The following RUFY3 variants were observed in gnomAD, a reference collection of about 807,000 sequenced individuals.
RUFY3 encodes the protein protein RUFY3.
In RUFY3, 34 loss-of-function variants were observed where a neutral mutation model predicts 84.0. The ratio of observed to expected loss-of-function variants is 0.40; its 90% CI spans 0.31 to 0.54. The LOEUF is 0.54. RUFY3 is among the 20% of genes least tolerant of loss of function. The pLI, the probability that RUFY3 is intolerant of heterozygous loss-of-function variation, is 0.39. For missense variants in RUFY3, 507 were observed against 736.8 expected, an observed-to-expected ratio of 0.69 and a Z score of 3.61; for synonymous variants, 242 against 252.9, an observed-to-expected ratio of 0.96 and a Z score of 0.41.
chr4:70,714,643 T>C (rs182071545), intron 1 of RUFY3, among the ~76,000 whole-genome samples: 1 of 152,332 alleles, frequency 6.6e-6, no homozygotes, highest in East Asian at 1.9e-4. Context: ...CAAGGCTATA[T>C]ACATATCTAT....
upstream of RUFY3, chr4:70,721,877 C>G (rs1742343258): frequency 1.6e-6 from 2 of 1,230,350 alleles, no homozygotes; most frequent in African/African-American, 1.6e-5. Context: ...ATTGCTCTCC[C>G]AGCATCAGCA....
At chr4:70,731,400 T>C (rs771201744) in intron 1 of RUFY3, among the ~76,000 whole-genome samples, 8 of 152,164 alleles carry the variant, frequency 5.3e-5, no homozygotes, top group South Asian at 2.1e-4. Context: ...TTTTTCCTCT[T>C]TTCACTCACT....
Position 70,756,222 on chromosome 4 carries a change from A to G in RUFY3, c.179-6297A>G, listed in dbSNP as rs117294235. 2.5e-4 allele frequency among the ~76,000 whole-genome samples: 38 copies of G among 152,254 alleles called. No homozygotes were observed. The East Asian group carries it at 6.2e-3, about 25-fold the overall frequency. On this transcript the variant is annotated intron_variant, in intron 1 of 17. Coordinates refer to ENST00000381006, the MANE Select transcript of RUFY3 (RefSeq NM_001037442.4). ...TCTCCATGCTGACTCCCTCTTCTCC[A>G]TACAGCCCCACTGCTCTAGTTCTAC...
chr4:70,749,595 G>C (rs1196025009), intron 1 of RUFY3, among the ~76,000 whole-genome samples: 1 of 150,736 alleles, frequency 6.6e-6, no homozygotes, highest in Non-Finnish European at 1.5e-5. Context: ...TCTTACAGGA[G>C]GCCAGCAGCT....
At position 70,753,758 on chromosome 4, in the gene RUFY3, A is replaced by G. The variant is rs575415330; in HGVS notation, c.179-8761A>G. Among the ~76,000 whole-genome samples the G allele has an allele frequency of 1.8e-3, 279 of 152,292 alleles. 1 individual carries two copies. The highest frequency in any genetic ancestry group is 3.3e-3 in the Non-Finnish European group (226 of 68,032). ...TTTCTCTGGTTCCAGGTATATTAATATGTCTCTCCCTTTGAGAATCAGTGC... is the reference window on the plus strand; with the variant it reads ...TTTCTCTGGTTCCAGGTATATTAATGTGTCTCTCCCTTTGAGAATCAGTGC... On this transcript the variant is annotated intron_variant, in intron 1 of 17. Transcript: ENST00000381006.
chr4:70,720,062 A>G (rs1742090062), upstream of RUFY3, among the ~76,000 whole-genome samples: 1 of 152,156 alleles, frequency 6.6e-6, no homozygotes, highest in Admixed American at 6.5e-5. Flanking sequence ...ACATTGTACC[A>G]GTATACCCTC....
intron 1 of RUFY3, among the ~76,000 whole-genome samples, chr4:70,756,250 TTTA>T (rs567590976): frequency 1.7e-3 from 264 of 152,332 alleles, no homozygotes; most frequent in Non-Finnish European, 2.9e-3. Flanking sequence ...AGTTCTACCC[TTTA>T]TTATTTATTT....
intron 12 of RUFY3, 154 bp downstream of exon 12, chr4:70,789,746 G>T: frequency 1.6e-6 from 2 of 1,283,512 alleles, no homozygotes; most frequent in Admixed American, 3.9e-5. Flanking sequence ...TGTTATGTGT[G>T]TTTTCTAAGG....
At chr4:70,754,206 CCA>C (rs2148680487) in intron 1 of RUFY3, among the ~76,000 whole-genome samples, 1 of 152,216 alleles carries the variant, frequency 6.6e-6, no homozygotes, top group Admixed American at 6.5e-5. Context: ...GTGCCTGGCA[CCA>C]CACCCAGCTA....
intron 1 of RUFY3, among the ~76,000 whole-genome samples, chr4:70,742,164 T>G (rs1398273272): frequency 6.6e-6 from 1 of 152,160 alleles, no homozygotes; most frequent in Non-Finnish European, 1.5e-5. Context: ...AATTTTTTCT[T>G]CTTCATACAA....
chr4:70,765,982 C>T (rs527382728), intron 4 of RUFY3, among the ~76,000 whole-genome samples: 24 of 151,800 alleles, frequency 1.6e-4, no homozygotes, highest in Non-Finnish European at 2.4e-4. Flanking sequence ...AGGATGGTCT[C>T]GATCTCTTGA....
In RUFY3 at chr4:70,788,797, T is replaced by C. The variant is rs1560558179; in HGVS notation, c.1072-9T>C. ...AGAGTGTAAGCAATTTACTTACCTT[T>C]GGGGGCAGGATGTTGAGAAAGAACT... On this transcript the variant is annotated splice_polypyrimidine_tract_variant and intron_variant, in intron 10 of 17. Coordinates refer to ENST00000381006, the MANE Select transcript of RUFY3 (RefSeq NM_001037442.4). 1.2e-6 allele frequency: 2 copies of C among 1,613,668 alleles called. No homozygotes were observed. The highest frequency in any genetic ancestry group is 1.7e-6 in the Non-Finnish European group (2 of 1,179,814).
At chr4:70,707,220 C>T (rs1740433539) in intron 1 of RUFY3, among the ~76,000 whole-genome samples, 1 of 152,318 alleles carries the variant, frequency 6.6e-6, no homozygotes, top group African/African-American at 2.4e-5. Flanking sequence ...GTTTCATGAG[C>T]GTGATCTCAG....
intron 12 of RUFY3, 83 bp downstream of exon 12, chr4:70,789,675 A>G: frequency 1.4e-6 from 2 of 1,470,958 alleles, no homozygotes; most frequent in South Asian, 1.4e-5. Context: ...CGGCAAATAG[A>G]AAATACATGA....
chr4:70,726,872 TCTTA>T (rs1175441644), intron 1 of RUFY3, among the ~76,000 whole-genome samples: 1 of 152,208 alleles, frequency 6.6e-6, no homozygotes, highest in African/African-American at 2.4e-5. Flanking sequence ...TGGCTTACTT[TCTTA>T]CTTTGCTTGT....
chr4:70,786,329 A>G (rs1389021853), intron 10 of RUFY3, among the ~76,000 whole-genome samples: 1 of 152,136 alleles, frequency 6.6e-6, no homozygotes, highest in Non-Finnish European at 1.5e-5. Flanking sequence ...TCTGTTGCAT[A>G]GTGTGGGGTG....
chr4:70,791,967 A>G, intron 12 of RUFY3: 1 of 984,380 alleles, frequency 1.0e-6, no homozygotes, highest in Non-Finnish European at 1.2e-6. Context: ...ACATAGAAAT[A>G]AAGTTAGTAA....
chr4:70,767,259 A>ATTTTTTTTTT (rs779388140), intron 4 of RUFY3, among the ~76,000 whole-genome samples: 12 of 49,688 alleles, frequency 2.4e-4, no homozygotes, highest in African/African-American at 7.1e-4. Flanking sequence ...CTAATTTTGT[A>ATTTTTTTTTT]TTTTTTTTTT....
intron 1 of RUFY3, among the ~76,000 whole-genome samples, chr4:70,754,064 T>C (rs78576851): frequency 2.5e-3 from 380 of 151,710 alleles, no homozygotes; most frequent in African/African-American, 8.7e-3. Flanking sequence ...TTTTTTTTTT[T>C]CGAGATGGAG....
Sources: allele counts gnomAD v4.1 joint callset (sites outside exome capture counted in the v4.1 genomes callset), GRCh38; gene constraint gnomAD v4.1.1; transcripts MANE v1.5; gene names NCBI Gene and HGNC (gene_info 2026-07-23, HGNC 2026-07-21).